POU6F2: variants seen among roughly 807,000 people sequenced by gnomAD.
The protein encoded by POU6F2 is POU domain, class 6, transcription factor 2.
POU6F2 carries 31 observed loss-of-function variants against 71.3 expected under a neutral mutation model. That is an observed-to-expected ratio of 0.43 (90% CI 0.33 to 0.59). The LOEUF is 0.59. POU6F2 is among the 20% of genes least tolerant of loss of function. The pLI is 0.04. For missense variants in POU6F2, 783 were observed against 856.8 expected (o/e 0.91, Z 1.07); for synonymous variants, 347 against 355.7 (o/e 0.98, Z 0.27).
intron 1 of POU6F2, among the ~76,000 whole-genome samples, chr7:39,050,836 C>T (rs1333015330): frequency 6.6e-6 from 1 of 152,144 alleles, no homozygotes; most frequent in Non-Finnish European, 1.5e-5. Flanking sequence ...CCACAGTTCT[C>T]ATGAAAATTT....
intron 2 of POU6F2, among the ~76,000 whole-genome samples, chr7:39,099,924 A>G (rs1791533031): frequency 6.6e-6 from 1 of 152,146 alleles, no homozygotes; most frequent in African/African-American, 2.4e-5. Flanking sequence ...TCTTTTCTCA[A>G]CGTAGCTTTC....
At chr7:38,985,245 C>T (rs374671227) in intron 1 of POU6F2, among the ~76,000 whole-genome samples, 3 of 152,002 alleles carry the variant, frequency 2.0e-5, no homozygotes, top group African/African-American at 7.2e-5. Context: ...TTAAATAATA[C>T]TAGAAAACAA....
At chr7:39,058,174 G>A (rs1189235364) in intron 1 of POU6F2, among the ~76,000 whole-genome samples, 2 of 152,270 alleles carry the variant, frequency 1.3e-5, no homozygotes, top group East Asian at 3.9e-4. Flanking sequence ...GCATATTTCA[G>A]CTTGTATCCT....
intron 4 of POU6F2, among the ~76,000 whole-genome samples, chr7:39,255,729 G>A (rs963313123): frequency 1.3e-5 from 2 of 152,200 alleles, no homozygotes; most frequent in African/African-American, 4.8e-5. Flanking sequence ...GGTGAGGAAA[G>A]GGATTTAGGG....
intron 5 of POU6F2, among the ~76,000 whole-genome samples, chr7:39,390,120 G>A (rs1478377097): frequency 6.6e-6 from 1 of 152,160 alleles, no homozygotes; most frequent in Non-Finnish European, 1.5e-5. Flanking sequence ...TAATAGCTGG[G>A]TGCAGTGGCT....
chr7:39,390,626 T>C (rs1787048654), intron 5 of POU6F2, among the ~76,000 whole-genome samples: 2 of 152,198 alleles, frequency 1.3e-5, no homozygotes, highest in Admixed American at 1.3e-4. Context: ...CTGTAGTTGA[T>C]GAGAAAAGCC....
chr7:39,009,601 A>G (rs1212301769), intron 1 of POU6F2, among the ~76,000 whole-genome samples: 1 of 152,168 alleles, frequency 6.6e-6, no homozygotes, highest in East Asian at 1.9e-4. Context: ...GTCTTGTGCC[A>G]GTTTTCAAAG....
chr7:39,432,954 T>G (rs1788142687), intron 6 of POU6F2, 123 bp from the exon 7 acceptor site: 1 of 891,956 alleles, frequency 1.1e-6, no homozygotes, highest in African/African-American at 1.7e-5. Flanking sequence ...CCTCCAGAGC[T>G]GCTTGCAGAT....
At chr7:39,066,456 A>T (rs2128717090) in intron 1 of POU6F2, among the ~76,000 whole-genome samples, 1 of 151,954 alleles carries the variant, frequency 6.6e-6, no homozygotes, top group East Asian at 1.9e-4. Context: ...ATATGTGTAC[A>T]GTCCTAAGAG....
chr7:39,455,707 G>A (rs918831126), intron 8 of POU6F2, among the ~76,000 whole-genome samples: 4 of 151,496 alleles, frequency 2.6e-5, no homozygotes, highest in Non-Finnish European at 4.4e-5. Flanking sequence ...CTAAGAGTGG[G>A]AAGGAGCTAA....
intron 4 of POU6F2, among the ~76,000 whole-genome samples, chr7:39,250,143 A>G (rs1398556813): frequency 6.6e-6 from 1 of 152,060 alleles, no homozygotes; most frequent in East Asian, 1.9e-4. Context: ...CTGCATTTTC[A>G]CGTGTCTTAT....
intron 2 of POU6F2, among the ~76,000 whole-genome samples, chr7:39,107,039 C>CTTTTTTTTTT (rs70977458): frequency 2.3e-5 from 3 of 130,908 alleles, no homozygotes; most frequent in Non-Finnish European, 4.9e-5. Flanking sequence ...TTCTTTCTTT[C>CTTTTTTTTTT]TTTTTTTTTT....
In POU6F2 at chr7:39,357,364, G is replaced by A. The variant is rs183616001; in HGVS notation, c.972+17349G>A. ...AGGTGTTTTGGGTATGTTTTTCTAC[G>A]AATGCCATGCAATTACTTATGAAAG... On this transcript the variant is annotated intron_variant, in intron 5 of 9. Coordinates refer to ENST00000518318, the MANE Select transcript of POU6F2 (RefSeq NM_001370959.1). Among the ~76,000 whole-genome samples the A allele has an allele frequency of 5.6e-4, 85 of 152,272 alleles. 1 individual carries two copies. In the South Asian group the frequency reaches 0.01, roughly 18 times the overall value.
At chr7:39,197,755 T>C (rs1289089787) in intron 2 of POU6F2, among the ~76,000 whole-genome samples, 4 of 152,214 alleles carry the variant, frequency 2.6e-5, no homozygotes, top group African/African-American at 4.8e-5. Flanking sequence ...CTAAAATCTG[T>C]GTCTGACTTC....
rs747666432 is a variant in POU6F2 at position 39,460,549 on chromosome 7, C to G, written c.1492C>G (p.Pro498Ala). The G allele has an allele frequency of 1.2e-6, 2 of 1,613,440 alleles. No individual in the cohort carries two copies. Among genetic ancestry groups the G allele is most frequent in the South Asian group, 2.2e-5 (2 of 90,872 alleles). The change falls in exon 9 of 10, where the codon CCT (proline) becomes GCT (alanine). Residue 498 changes from proline to alanine, a missense_variant and splice_region_variant. Coordinates refer to ENST00000518318, the MANE Select transcript of POU6F2 (RefSeq NM_001370959.1). The surrounding 1 kb of genome is among the most constrained non-coding windows in gnomAD (Gnocchi z 4.4). ...TATTTTTAAAAACATCTCCACAGAT[C>G]CTCAAACGGCAGCGGGTGAGGTGGA... is the stretch of plus-strand genomic sequence containing the variant. ...ALSVGQLVSN[P>A]QTAAGEVDGV...
At chr7:39,132,993 G>A (rs1020186682) in intron 2 of POU6F2, among the ~76,000 whole-genome samples, 1 of 152,242 alleles carries the variant, frequency 6.6e-6, no homozygotes, top group African/African-American at 2.4e-5. Context: ...TTACCTCTTT[G>A]ACAAAAGTCC....
intron 2 of POU6F2, among the ~76,000 whole-genome samples, chr7:39,156,555 A>G (rs897726430): frequency 1.3e-5 from 2 of 152,212 alleles, no homozygotes; most frequent in African/African-American, 4.8e-5. Flanking sequence ...GATACTGCTT[A>G]AAGGGTAATG....
chr7:39,287,801 G>A (rs1480614596), intron 4 of POU6F2, among the ~76,000 whole-genome samples: 1 of 152,182 alleles, frequency 6.6e-6, no homozygotes, highest in Non-Finnish European at 1.5e-5. Flanking sequence ...CACTAAATCA[G>A]AGCCTGCATT....
intron 4 of POU6F2, among the ~76,000 whole-genome samples, chr7:39,292,696 C>A (rs1185093849): frequency 6.6e-6 from 1 of 152,156 alleles, no homozygotes; most frequent in Non-Finnish European, 1.5e-5. Context: ...GGGAGTTTTT[C>A]TTGCCTTTAT....
Sources: gnomAD v4.1 joint callset for allele counts (sites outside exome capture counted in the v4.1 genomes callset) on GRCh38, gnomAD v4.1.1 for gene constraint, Gnocchi (gnomAD v3.1) non-coding constraint, MANE v1.5 for transcripts, NCBI Gene and HGNC (gene_info 2026-07-23, HGNC 2026-07-21) for gene names.